Variants in SPOCK3 observed in about 807,000 individuals in gnomAD.
SPOCK3 encodes the protein SPARC (osteonectin), cwcv and kazal like domains proteoglycan 3, also known as testican-3.
Under a neutral mutation model 56.6 loss-of-function variants are expected in SPOCK3, and 30 were observed. That is an observed-to-expected ratio of 0.53 (90% CI 0.40 to 0.72). SPOCK3 has a LOEUF of 0.72. SPOCK3 is among the 30% of genes least tolerant of loss of function. The pLI is 0.00. For missense variants in SPOCK3, 527 were observed against 530.0 expected, an observed-to-expected ratio of 0.99 and a Z score of 0.06; for synonymous variants, 196 against 183.3, an observed-to-expected ratio of 1.07 and a Z score of -0.56.
chr4:166,984,596 A>G (rs770028763), intron 4 of SPOCK3, among the ~76,000 whole-genome samples: 7 of 152,092 alleles, frequency 4.6e-5, no homozygotes, highest in Non-Finnish European at 8.8e-5. Flanking sequence ...AGATTTCTCT[A>G]TATATGAGGG....
At chr4:166,881,788 C>T (rs895209096) in intron 6 of SPOCK3, among the ~76,000 whole-genome samples, 1 of 152,046 alleles carries the variant, frequency 6.6e-6, no homozygotes, top group Admixed American at 6.6e-5. Flanking sequence ...ATGTGTGATG[C>T]TAAACTTCAA....
At chr4:166,796,595 G>T (rs1441485389) in intron 6 of SPOCK3, among the ~76,000 whole-genome samples, 1 of 152,068 alleles carries the variant, frequency 6.6e-6, no homozygotes, top group East Asian at 1.9e-4. Flanking sequence ...AGTGGTATAG[G>T]TATTGGTGAT....
intron 6 of SPOCK3, among the ~76,000 whole-genome samples, chr4:166,842,913 G>C (rs1432967838): frequency 6.6e-6 from 1 of 152,208 alleles, no homozygotes; most frequent in East Asian, 1.9e-4. Flanking sequence ...AGGGGGTTTG[G>C]GCTGCGGGGG....
chr4:167,204,026 C>T (rs1481802448), intron 2 of SPOCK3, among the ~76,000 whole-genome samples: 1 of 152,038 alleles, frequency 6.6e-6, no homozygotes, highest in Non-Finnish European at 1.5e-5. Context: ...GATGTACACA[C>T]AGCTATAAGA....
chr4:166,861,354 C>T (rs1731231767), intron 6 of SPOCK3, among the ~76,000 whole-genome samples: 2 of 151,978 alleles, frequency 1.3e-5, no homozygotes, highest in Admixed American at 1.3e-4. Context: ...CTCTCTCCTG[C>T]CTTTCTGTAT....
intron 2 of SPOCK3, among the ~76,000 whole-genome samples, chr4:167,174,354 G>C (rs954141231): frequency 1.3e-5 from 2 of 151,284 alleles, no homozygotes; most frequent in African/African-American, 4.9e-5. Context: ...GCATTTTAAG[G>C]GTACATTTTA....
chr4:167,162,114 A>G (rs1765372593), intron 2 of SPOCK3, among the ~76,000 whole-genome samples: 1 of 152,018 alleles, frequency 6.6e-6, no homozygotes, highest in African/African-American at 2.4e-5. Context: ...CCTATTTATG[A>G]ACATTAGGTC....
chr4:167,107,124 G>T (rs1760233604), intron 2 of SPOCK3, among the ~76,000 whole-genome samples: 1 of 151,770 alleles, frequency 6.6e-6, no homozygotes, highest in Admixed American at 6.6e-5. Flanking sequence ...TAAATAGAGG[G>T]AAAAGGAATA....
At chr4:166,927,524 T>G (rs1325661834) in intron 4 of SPOCK3, among the ~76,000 whole-genome samples, 1 of 152,132 alleles carries the variant, frequency 6.6e-6, no homozygotes, top group Non-Finnish European at 1.5e-5. Context: ...ATCAGCAGCA[T>G]GAAAACAGAT....
intron 6 of SPOCK3, among the ~76,000 whole-genome samples, chr4:166,878,750 C>T (rs1027600098): frequency 6.6e-6 from 1 of 152,100 alleles, no homozygotes; most frequent in East Asian, 1.9e-4. Context: ...GCTGGTAAGA[C>T]ACTGTAATTA....
intron 4 of SPOCK3, among the ~76,000 whole-genome samples, chr4:166,970,416 C>T (rs1745246665): frequency 6.6e-6 from 1 of 152,092 alleles, no homozygotes; most frequent in Admixed American, 6.6e-5. Flanking sequence ...CTATAAATTC[C>T]AAAAACAAGA....
intron 6 of SPOCK3, among the ~76,000 whole-genome samples, chr4:166,802,305 T>C (rs1742688644): frequency 2.6e-5 from 4 of 152,098 alleles, no homozygotes; most frequent in African/African-American, 9.7e-5. Context: ...GGGACAAGAA[T>C]AGCATGAATG....
intron 8 of SPOCK3, among the ~76,000 whole-genome samples, chr4:166,747,052 T>G (rs1004443143): frequency 1.3e-4 from 19 of 149,856 alleles, no homozygotes; most frequent in Admixed American, 2.7e-4. Context: ...TTCTACCAGA[T>G]GTACAAGGAG....
At chr4:166,929,550 T>C (rs913820694) in intron 4 of SPOCK3, among the ~76,000 whole-genome samples, 1 of 99,820 alleles carries the variant, frequency 1.0e-5, no homozygotes, top group African/African-American at 3.3e-5. Context: ...AGCTTAAATA[T>C]CCTTATAGTG....
chr4:167,004,786 TA>T (rs1241322505), intron 3 of SPOCK3, among the ~76,000 whole-genome samples: 1 of 152,158 alleles, frequency 6.6e-6, no homozygotes. Context: ...CACTGAACAA[TA>T]AATAAGATAT....
chr4:167,224,786 A>G (rs1245132890), intron 2 of SPOCK3, among the ~76,000 whole-genome samples: 1 of 142,538 alleles, frequency 7.0e-6, no homozygotes, highest in African/African-American at 2.5e-5. Context: ...CAGCCTCCCG[A>G]GTAGCGAGTA....
rs1396375411 is a variant in SPOCK3, at chr4:167,193,004, G to C, written c.189+40981C>G. Among the ~76,000 whole-genome samples, 2 of 145,632 alleles carry C rather than the reference G, an allele frequency of 1.4e-5. 1 individual carries two copies. The highest frequency in any genetic ancestry group is 5.2e-5 in the African/African-American group (2 of 38,140). On this transcript the variant is annotated intron_variant, in intron 2 of 10. Coordinates refer to ENST00000357545, the MANE Select transcript of SPOCK3 (RefSeq NM_001040159.2). Reference sequence around the variant, plus strand: ...TTAAATTTGTCAGCACTTATTTTTTGACCCAACGTATGATCTATCTTGGAA... The same window carrying C: ...TTAAATTTGTCAGCACTTATTTTTTCACCCAACGTATGATCTATCTTGGAA...
intron 6 of SPOCK3, among the ~76,000 whole-genome samples, chr4:166,821,926 T>A (rs1040305110): frequency 6.6e-6 from 1 of 152,066 alleles, no homozygotes; most frequent in Non-Finnish European, 1.5e-5. Context: ...AAATTGCATG[T>A]GTTATTGTTT....
At chr4:166,965,965 T>C (rs1228509114) in intron 4 of SPOCK3, among the ~76,000 whole-genome samples, 1 of 152,130 alleles carries the variant, frequency 6.6e-6, no homozygotes, top group Non-Finnish European at 1.5e-5. Flanking sequence ...AAGAATAGTT[T>C]CAATTCTCTA....
Sources: allele counts gnomAD v4.1 joint callset (sites outside exome capture counted in the v4.1 genomes callset), GRCh38; gene constraint gnomAD v4.1.1; transcripts MANE v1.5; gene names NCBI Gene and HGNC (gene_info 2026-07-23, HGNC 2026-07-21).